The following FIG4 variants were observed in gnomAD, a reference collection of about 807,000 sequenced individuals.
FIG4 encodes the protein FIG4 phosphoinositide 5-phosphatase.
In FIG4, 112 loss-of-function variants were observed where a neutral mutation model predicts 118.6. The ratio of observed to expected loss-of-function variants is 0.94; its 90% CI spans 0.81 to 1.11. The LOEUF is 1.11. Ranked by LOEUF, FIG4 falls within the 50% of genes least tolerant of loss-of-function variation. The probability of loss-of-function intolerance (pLI) is 0.00; values close to 1 mark genes in which losing one functional copy is unlikely to be tolerated. For synonymous variants in FIG4, 369 were observed against 381.2 expected, an observed-to-expected ratio of 0.97 and a Z score of 0.37; for missense variants, 969 against 1,111.7, an observed-to-expected ratio of 0.87 and a Z score of 1.83.
chr6:109,700,682 C>T (rs1301581631), intron 1 of FIG4, among the ~76,000 whole-genome samples: 1 of 152,216 alleles, frequency 6.6e-6, no homozygotes, highest in Non-Finnish European at 1.5e-5. Flanking sequence ...GTAATGCCAA[C>T]AACTGTGGAT....
At chr6:109,805,035 A>C (rs926124427) in intron 22 of FIG4, among the ~76,000 whole-genome samples, 2 of 152,214 alleles carry the variant, frequency 1.3e-5, no homozygotes, top group Admixed American at 1.3e-4. Flanking sequence ...AGCAAATGAC[A>C]AGGCAGATGA....
At chr6:109,793,625 A>T (rs888265398) in intron 21 of FIG4, among the ~76,000 whole-genome samples, 41 of 152,228 alleles carry the variant, frequency 2.7e-4, no homozygotes, top group African/African-American at 9.6e-4. Flanking sequence ...CACTTATACA[A>T]ATTTGTAAAT....
intron 2 of FIG4, among the ~76,000 whole-genome samples, chr6:109,715,634 T>A (rs1394809000): frequency 2.6e-5 from 4 of 152,210 alleles, no homozygotes; most frequent in Non-Finnish European, 5.9e-5. Flanking sequence ...TAAGGAAATG[T>A]TAAGCTGTTC....
intron 3 of FIG4, among the ~76,000 whole-genome samples, chr6:109,725,296 C>T (rs1167219079): frequency 1.3e-5 from 2 of 152,004 alleles, no homozygotes; most frequent in African/African-American, 4.8e-5. Context: ...ATGTTCCCCT[C>T]CCTATGTCTA....
chr6:109,815,863 G>C (rs918969469), intron 22 of FIG4, among the ~76,000 whole-genome samples: 2 of 147,962 alleles, frequency 1.4e-5, no homozygotes, highest in African/African-American at 5.0e-5. Context: ...TTTAGATTAT[G>C]GGGGGGGGCA....
intron 10 of FIG4, among the ~76,000 whole-genome samples, chr6:109,744,983 A>G (rs1776442589): frequency 6.6e-6 from 1 of 151,908 alleles, no homozygotes; most frequent in African/African-American, 2.4e-5. Context: ...ATCCTTTTTT[A>G]CGGCTGCATA....
chr6:109,695,605 C>G (rs989429742), intron 1 of FIG4, among the ~76,000 whole-genome samples: 1 of 147,102 alleles, frequency 6.8e-6, no homozygotes, highest in African/African-American at 2.5e-5. Context: ...CACACAGACA[C>G]ACACACACAC....
rs1774396046 is a variant in FIG4, at chr6:109,691,487, T to C, written c.52T>C (p.Tyr18His). ...CAGCTCGGTCCAGAAGCTGGTTCTG[T>C]ATGAGACTAGAGCTGTGAGTACCCC... ...IISSVQKLVL[Y>H]ETRARYFLVG... The change falls in exon 1 of 23, where the codon TAT becomes CAT. Residue 18 changes from tyrosine to histidine, a missense_variant. Around this residue, in one of 3 missense-constraint regions of FIG4, gnomAD observed 393 missense variants for 409.4 expected, o/e 0.96. Transcript: ENST00000230124. 10 of 1,582,188 alleles carry C rather than the reference T, an allele frequency of 6.3e-6. No homozygotes were observed. Among genetic ancestry groups the C allele is most frequent in the Middle Eastern group, 1.7e-4 (1 of 6,034 alleles).
chr6:109,813,667 T>G (rs1352971681), intron 22 of FIG4, among the ~76,000 whole-genome samples: 1 of 152,226 alleles, frequency 6.6e-6, no homozygotes, highest in Non-Finnish European at 1.5e-5. Flanking sequence ...ATTCATATCC[T>G]CTTGTAATCT....
At position 109,735,206 on chromosome 6, in the gene FIG4, C is replaced by T. The variant is rs1324528161; in HGVS notation, c.554C>T (p.Pro185Leu). 1 of 1,612,616 alleles carries T rather than the reference C, an allele frequency of 6.2e-7. No individual in the cohort carries two copies. The highest frequency in any genetic ancestry group is 2.2e-5 in the East Asian group (1 of 44,840). Reference sequence around the variant, plus strand: ...TATAATCTCACTGTCTTGCGAATGCCCCTGGAGATGTTAAAGTCAGAAATG... The same window carrying T: ...TATAATCTCACTGTCTTGCGAATGCTCCTGGAGATGTTAAAGTCAGAAATG... The part of the protein sequence containing the change: ...LQYNLTVLRM[P>L]LEMLKSEMTQ... The change falls in exon 6 of 23, where the codon CCC (proline) becomes CTC (leucine). Residue 185 changes from proline (P) to leucine (L), a missense_variant. Around this residue, in one of 3 missense-constraint regions of FIG4, gnomAD observed 393 missense variants for 409.4 expected, o/e 0.96. Coordinates refer to ENST00000230124, the MANE Select transcript of FIG4 (RefSeq NM_014845.6).
At chr6:109,738,562 C>G in intron 7 of FIG4, 109 bp downstream of exon 7, 5 of 1,070,814 alleles carry the variant, frequency 4.7e-6, no homozygotes, top group Non-Finnish European at 7.2e-6. Context: ...CTGTGCACCC[C>G]AACAGGAAAA....
chr6:109,727,394 T>C (rs1371693298), intron 4 of FIG4, 129 bp downstream of exon 4: 1 of 700,114 alleles, frequency 1.4e-6, no homozygotes, highest in Non-Finnish European at 2.5e-6. Flanking sequence ...GCTCAAGTAC[T>C]TTTTTTTAAT....
At chr6:109,764,873 G>A (rs1777232058) in intron 13 of FIG4, 140 bp from the exon 14 acceptor site, 8 of 711,570 alleles carry the variant, frequency 1.1e-5, no homozygotes, top group Middle Eastern at 6.3e-4. Flanking sequence ...ATTTGTTCAG[G>A]AATAATACCT....
At chr6:109,717,890 A>T (rs1488490790) in intron 3 of FIG4, among the ~76,000 whole-genome samples, 1 of 152,226 alleles carries the variant, frequency 6.6e-6, no homozygotes, top group Non-Finnish European at 1.5e-5. Context: ...CACTTAGGAA[A>T]TTATCTCTGT....
intron 21 of FIG4, among the ~76,000 whole-genome samples, chr6:109,794,545 C>T (rs762437796): frequency 2.0e-5 from 3 of 152,218 alleles, no homozygotes; most frequent in Non-Finnish European, 4.4e-5. Flanking sequence ...CTCCCTCCAT[C>T]AGTATCTGTG....
chr6:109,749,104 T>TGTGTGTGTGTGTGTGTGTG (rs1203351746), intron 10 of FIG4, among the ~76,000 whole-genome samples: 2 of 143,686 alleles, frequency 1.4e-5, no homozygotes, highest in African/African-American at 5.3e-5. Flanking sequence ...TGTGTGTGTG[T>TGTGTGTGTGTGTGTGTGTG]TTTAAATCAA....
intron 10 of FIG4, among the ~76,000 whole-genome samples, chr6:109,758,616 A>C (rs1355718636): frequency 6.6e-6 from 1 of 152,254 alleles, no homozygotes; most frequent in African/African-American, 2.4e-5. Flanking sequence ...ATAGGATCTG[A>C]TTAAACTAAA....
At chr6:109,820,030 G>A (rs1336401221) in intron 22 of FIG4, among the ~76,000 whole-genome samples, 2 of 152,190 alleles carry the variant, frequency 1.3e-5, no homozygotes, top group Non-Finnish European at 2.9e-5. Context: ...AGACATAGGT[G>A]TGCACAAGGC....
At chr6:109,824,679 G>T (rs1345237888) in intron 22 of FIG4, among the ~76,000 whole-genome samples, 2 of 152,162 alleles carry the variant, frequency 1.3e-5, no homozygotes, top group African/African-American at 4.8e-5. Flanking sequence ...ATTCTCCCTT[G>T]CTTCACTGAT....
Sources: allele counts gnomAD v4.1 joint callset (sites outside exome capture counted in the v4.1 genomes callset), GRCh38; gene constraint gnomAD v4.1.1; regional missense constraint gnomAD v4.1.1; transcripts MANE v1.5; gene names NCBI Gene and HGNC (gene_info 2026-07-23, HGNC 2026-07-21).